GABRG3: variants seen among roughly 807,000 people sequenced by gnomAD.
The protein encoded by GABRG3 is gamma-aminobutyric acid receptor subunit gamma-3.
Under a neutral mutation model 48.8 loss-of-function variants are expected in GABRG3, and 25 were observed. That is an observed-to-expected ratio of 0.51 (90% CI 0.37 to 0.72). The LOEUF (loss-of-function observed/expected upper bound fraction) is 0.72, where lower values mean the gene tolerates loss of function less well. Ranked by LOEUF, GABRG3 falls within the 30% of genes least tolerant of loss-of-function variation. The pLI is 0.00. For missense variants in GABRG3, 394 were observed against 577.9 expected, an observed-to-expected ratio of 0.68 and a Z score of 3.26; for synonymous variants, 227 against 217.6, an observed-to-expected ratio of 1.04 and a Z score of -0.38.
intron 6 of GABRG3, among the ~76,000 whole-genome samples, chr15:27,487,000 T>G (rs1890236304): frequency 6.6e-6 from 1 of 152,232 alleles, no homozygotes; most frequent in Non-Finnish European, 1.5e-5. Flanking sequence ...AAGTGGTTTC[T>G]TCTTGGCTTT....
chr15:27,218,020 C>T lies in GABRG3; in HGVS notation c.271-108789C>T, dbSNP rs141651112. On this transcript the variant is annotated intron_variant, in intron 3 of 9. Transcript: ENST00000615808. ...GAATTTGGGAACCTCCCCACTTCTC[C>T]GAACTGCAGGGGAGCTTCCCGCGCT... Among the ~76,000 whole-genome samples, 7 of 152,232 alleles carry T rather than the reference C, an allele frequency of 4.6e-5. No individual in the cohort carries two copies. In the East Asian group the frequency reaches 1.2e-3, roughly 25 times the overall value.
chr15:27,340,973 G>T (rs762617395), intron 5 of GABRG3: 5 of 508,810 alleles, frequency 9.8e-6, no homozygotes, highest in Admixed American at 8.2e-5. Flanking sequence ...TTGTTTTGGG[G>T]TGTGTTTTGG....
intron 6 of GABRG3, among the ~76,000 whole-genome samples, chr15:27,498,463 T>C (rs901813608): frequency 6.6e-6 from 1 of 152,206 alleles, no homozygotes; most frequent in Non-Finnish European, 1.5e-5. Context: ...CCAACTCCAA[T>C]TCCATTAGAT....
chr15:27,282,173 C>G (rs1891455956), intron 3 of GABRG3, among the ~76,000 whole-genome samples: 1 of 152,138 alleles, frequency 6.6e-6, no homozygotes, highest in Admixed American at 6.6e-5. Flanking sequence ...TTTTCAGAAG[C>G]TTGATTTTAA....
chr15:27,480,262 G>A (rs2150844725), intron 5 of GABRG3, among the ~76,000 whole-genome samples: 1 of 152,324 alleles, frequency 6.6e-6, no homozygotes, highest in Non-Finnish European at 1.5e-5. Flanking sequence ...AGGATGGAAG[G>A]TGTGTGGGCA....
At chr15:27,317,026 A>C (rs139358024) in intron 3 of GABRG3, among the ~76,000 whole-genome samples, 16 of 152,296 alleles carry the variant, frequency 1.1e-4, no homozygotes, top group Admixed American at 2.6e-4. Context: ...CATGGTTTGC[A>C]CTGCTTTGAT....
At chr15:27,047,015 G>C (rs1313642810) in intron 3 of GABRG3, among the ~76,000 whole-genome samples, 1 of 152,160 alleles carries the variant, frequency 6.6e-6, no homozygotes, top group Non-Finnish European at 1.5e-5. Context: ...GGTGAAAGAC[G>C]ATGTAAGATA....
intron 5 of GABRG3, among the ~76,000 whole-genome samples, chr15:27,456,827 G>A (rs748138375): frequency 3.9e-5 from 6 of 152,124 alleles, no homozygotes; most frequent in South Asian, 2.1e-4. Flanking sequence ...CTTGCTGCCC[G>A]TGCCAGGAGG....
intron 2 of GABRG3, among the ~76,000 whole-genome samples, chr15:26,986,549 A>G (rs529078993): frequency 6.6e-6 from 1 of 152,308 alleles, no homozygotes; most frequent in East Asian, 1.9e-4. Flanking sequence ...TGCCACCCCT[A>G]TCGAGGTAAA....
chr15:27,325,827 G>A (rs931127841), intron 3 of GABRG3, among the ~76,000 whole-genome samples: 18 of 152,136 alleles, frequency 1.2e-4, no homozygotes, highest in Admixed American at 1.3e-4. Context: ...TCTTTAATGG[G>A]AAACTCAGTG....
At chr15:27,462,037 C>T (rs533368942) in intron 5 of GABRG3, among the ~76,000 whole-genome samples, 46 of 152,330 alleles carry the variant, frequency 3.0e-4, no homozygotes, top group African/African-American at 1.1e-3. Context: ...AACCAGTTCT[C>T]CTTTCCCTCA....
rs554306821 is a variant in GABRG3 at position 27,043,019 on chromosome 15, C to A, written c.270+16198C>A. The stretch of plus-strand genomic sequence containing the variant: ...CCAGCCACGGGCTCCGCGTCCAGCC[C>A]TGATCAGATGCTCAATAACTGTCTT... On this transcript the variant is annotated intron_variant, in intron 3 of 9. Coordinates refer to ENST00000615808, the MANE Select transcript of GABRG3 (RefSeq NM_033223.5). Among the ~76,000 whole-genome samples, 92 of 152,370 alleles carry A rather than the reference C, an allele frequency of 6.0e-4. 1 individual carries two copies. Among genetic ancestry groups the A allele is most frequent in the Non-Finnish European group, 1.0e-3 (68 of 68,044 alleles).
At chr15:27,392,405 A>G (rs1417762263) in intron 5 of GABRG3, among the ~76,000 whole-genome samples, 1 of 152,116 alleles carries the variant, frequency 6.6e-6, no homozygotes, top group African/African-American at 2.4e-5. Flanking sequence ...ATGCACCTCA[A>G]TTGGGAATTG....
chr15:27,092,110 G>A (rs1027550804), intron 3 of GABRG3, among the ~76,000 whole-genome samples: 3 of 152,132 alleles, frequency 2.0e-5, no homozygotes, highest in Admixed American at 2.0e-4. Flanking sequence ...AGTTTAAAGA[G>A]TCTCATCATT....
At chr15:27,090,516 G>T (rs1341660212) in intron 3 of GABRG3, among the ~76,000 whole-genome samples, 1 of 151,918 alleles carries the variant, frequency 6.6e-6, no homozygotes, top group Non-Finnish European at 1.5e-5. Context: ...AACCTATGAG[G>T]GTTCCAATTC....
intron 3 of GABRG3, among the ~76,000 whole-genome samples, chr15:27,257,460 T>A (rs1433638138): frequency 4.6e-5 from 7 of 152,044 alleles, no homozygotes; most frequent in African/African-American, 1.7e-4. Context: ...CCCAGACCAA[T>A]GTCATGGAGC....
At chr15:27,194,823 C>T (rs2140425122) in intron 3 of GABRG3, among the ~76,000 whole-genome samples, 1 of 152,254 alleles carries the variant, frequency 6.6e-6, no homozygotes, top group Non-Finnish European at 1.5e-5. Flanking sequence ...GCCATTATTT[C>T]TTGCAATACT....
intron 3 of GABRG3, among the ~76,000 whole-genome samples, chr15:27,044,875 T>G (rs953998257): frequency 6.6e-6 from 1 of 152,224 alleles, no homozygotes; most frequent in African/African-American, 2.4e-5. Flanking sequence ...CTCAATTATT[T>G]GTTACAGAAG....
intron 2 of GABRG3, among the ~76,000 whole-genome samples, chr15:27,020,773 T>C (rs1202595002): frequency 6.6e-6 from 1 of 152,162 alleles, no homozygotes. Flanking sequence ...TCATTTGCTC[T>C]CGCGATGTCA....
Sources: gnomAD v4.1 joint callset for allele counts (sites outside exome capture counted in the v4.1 genomes callset) on GRCh38, gnomAD v4.1.1 for gene constraint, MANE v1.5 for transcripts, NCBI Gene and HGNC (gene_info 2026-07-23, HGNC 2026-07-21) for gene names.